MYO3B: variants seen among roughly 807,000 people sequenced by gnomAD.
MYO3B encodes the protein myosin IIIB, also known as myosin-IIIb.
A neutral mutation model predicts 174.6 loss-of-function variants in MYO3B; 156 were observed. The observed-to-expected ratio is 0.89, with a 90% CI of 0.78 to 1.02. The LOEUF (loss-of-function observed/expected upper bound fraction) is 1.02. Among genes scored for constraint, MYO3B ranks in the 50% least tolerant of loss-of-function variants. The pLI, the probability that MYO3B is intolerant of heterozygous loss-of-function variation, is 0.00. For missense variants in MYO3B, 1,632 were observed against 1,639.4 expected (o/e 1.00, Z 0.08); for synonymous variants, 563 against 569.1 (o/e 0.99, Z 0.15).
chr2:170,447,444 GCTAA>G (rs778475885), intron 23 of MYO3B, among the ~76,000 whole-genome samples: 13 of 152,174 alleles, frequency 8.5e-5, no homozygotes, highest in African/African-American at 1.2e-4. Flanking sequence ...AATAGGGAGC[GCTAA>G]CTAAGAACAG....
At chr2:170,302,879 G>A (rs1458343881) in intron 7 of MYO3B, among the ~76,000 whole-genome samples, 2 of 152,222 alleles carry the variant, frequency 1.3e-5, no homozygotes, top group Non-Finnish European at 2.9e-5. Flanking sequence ...CAGCTACAAA[G>A]AGAAGATGGT....
At chr2:170,542,786 G>A (rs1292724783) in intron 30 of MYO3B, 120 bp from the exon 31 acceptor site, 2 of 744,832 alleles carry the variant, frequency 2.7e-6, no homozygotes, top group East Asian at 2.8e-5. Flanking sequence ...ACTGAAATGG[G>A]AAACCATGGA....
At chr2:170,570,693 A>T (rs1296230717) in intron 32 of MYO3B, among the ~76,000 whole-genome samples, 1 of 152,230 alleles carries the variant, frequency 6.6e-6, no homozygotes, top group Admixed American at 6.5e-5. Flanking sequence ...TTATTTAGCA[A>T]ATGACCATTT....
At chr2:170,211,559 C>A (rs538966165) in intron 3 of MYO3B, among the ~76,000 whole-genome samples, 34 of 152,228 alleles carry the variant, frequency 2.2e-4, no homozygotes, top group Admixed American at 9.8e-4. Flanking sequence ...AAATTTAGAA[C>A]CTTTAGAGGT....
At chr2:170,503,117 C>G (rs1687388322) in intron 28 of MYO3B, among the ~76,000 whole-genome samples, 2 of 152,162 alleles carry the variant, frequency 1.3e-5, no homozygotes, top group South Asian at 4.1e-4. Context: ...AAACAGGGTA[C>G]CAAACTGATT....
chr2:170,241,382 G>T (rs540782076), intron 7 of MYO3B, among the ~76,000 whole-genome samples: 3 of 152,256 alleles, frequency 2.0e-5, no homozygotes, highest in South Asian at 4.1e-4. Flanking sequence ...AAAAGAAAAT[G>T]CTTTCCAAGT....
At chr2:170,222,808 T>G (rs530041957) in intron 6 of MYO3B, among the ~76,000 whole-genome samples, 1 of 152,352 alleles carries the variant, frequency 6.6e-6, no homozygotes, top group African/African-American at 2.4e-5. Context: ...TCCCAAATAC[T>G]AATATTTAGC....
chr2:170,364,452 A>G (rs1283537322), intron 8 of MYO3B, among the ~76,000 whole-genome samples: 1 of 152,076 alleles, frequency 6.6e-6, no homozygotes, highest in Non-Finnish European at 1.5e-5. Context: ...TGCTTCCCCT[A>G]ATTCACCTCA....
intron 22 of MYO3B, among the ~76,000 whole-genome samples, chr2:170,437,022 G>C (rs185894455): frequency 6.6e-6 from 1 of 152,250 alleles, no homozygotes; most frequent in Non-Finnish European, 1.5e-5. Flanking sequence ...CTTTTTGTAA[G>C]TTGTCTTGTT....
chr2:170,215,163 T>G (rs1225849229), intron 5 of MYO3B, among the ~76,000 whole-genome samples: 1 of 152,268 alleles, frequency 6.6e-6, no homozygotes, highest in Non-Finnish European at 1.5e-5. Flanking sequence ...TTTCTTCTTT[T>G]GCATATGAAA....
intron 14 of MYO3B, among the ~76,000 whole-genome samples, chr2:170,390,354 G>T (rs1001402371): frequency 6.6e-6 from 1 of 152,184 alleles, no homozygotes; most frequent in African/African-American, 2.4e-5. Flanking sequence ...CTTGAACCCA[G>T]AAATTTGAGG....
At chr2:170,583,871 G>C in intron 32 of MYO3B, among the ~76,000 whole-genome samples, 1 of 152,056 alleles carries the variant, frequency 6.6e-6, no homozygotes, top group South Asian at 2.1e-4. Flanking sequence ...TTTCCATCTT[G>C]AAGATGTGAT....
At chr2:170,226,000 G>A (rs1424814445) in intron 6 of MYO3B, among the ~76,000 whole-genome samples, 1 of 152,178 alleles carries the variant, frequency 6.6e-6, no homozygotes. Flanking sequence ...CTATTTTACA[G>A]GGAACATTTA....
intron 32 of MYO3B, among the ~76,000 whole-genome samples, chr2:170,621,335 T>C (rs145645996): frequency 6.6e-6 from 1 of 152,316 alleles, no homozygotes; most frequent in East Asian, 1.9e-4. Flanking sequence ...GAGTATCTGG[T>C]ACATAGTAAG....
In MYO3B at chr2:170,236,079, A is replaced by G; in HGVS notation, c.692A>G (p.Asp231Gly). 1 of 1,613,998 alleles carries G rather than the reference A, an allele frequency of 6.2e-7. No individual in the cohort carries two copies. The highest frequency in any genetic ancestry group is 8.5e-7 in the Non-Finnish European group (1 of 1,180,000). Residue 231 changes from aspartate (D) to glycine (G), a missense_variant, in exon 7 of 35, where the codon GAT becomes GGT. Transcript: ENST00000408978. ...GGGATCACAGCTATTGAACTGGGGG[A>G]TGGAGACCCTCCCCTCTTTGACATG... ...SLGITAIELGDGDPPLFDMHP... is the reference protein window; with the variant it reads ...SLGITAIELGGGDPPLFDMHP...
At chr2:170,372,463 G>C (rs918255458) in intron 9 of MYO3B, among the ~76,000 whole-genome samples, 1 of 152,108 alleles carries the variant, frequency 6.6e-6, no homozygotes, top group Non-Finnish European at 1.5e-5. Context: ...AAACACTACT[G>C]AGGTACTGAA....
chr2:170,201,794 C>A (rs1396705938), intron 3 of MYO3B, among the ~76,000 whole-genome samples: 1 of 132,304 alleles, frequency 7.6e-6, no homozygotes, highest in Admixed American at 9.4e-5. Context: ...AAGTACTGTT[C>A]CTGGGGTCTC....
rs61185936 is a variant in MYO3B, at chr2:170,485,420, CAGAGAG to C, written c.3015-13153_3015-13148del. ...ACACACACACACACACACACACACA[CAGAGAG>C]AGAGAGAGAGAGAGAGAGCGAGTGA... On this transcript the variant is annotated intron_variant, in intron 25 of 34. Coordinates refer to ENST00000408978, the MANE Select transcript of MYO3B (RefSeq NM_138995.5). Among the ~76,000 whole-genome samples, 196 of 127,910 alleles carry C rather than the reference CAGAGAG, an allele frequency of 1.5e-3. 1 individual carries two copies. The Middle Eastern group carries it at 0.023, about 15-fold the overall frequency. 83.9% of individuals were successfully genotyped at this position (127,910 alleles called of 152,430 possible).
At chr2:170,189,144 T>C (rs2092507790) in intron 1 of MYO3B, among the ~76,000 whole-genome samples, 2 of 152,180 alleles carry the variant, frequency 1.3e-5, no homozygotes, top group Non-Finnish European at 2.9e-5. Context: ...AAAGTTTTTT[T>C]CCTTCAGCAA....
Sources: gnomAD v4.1 joint callset for allele counts (sites outside exome capture counted in the v4.1 genomes callset) on GRCh38, gnomAD v4.1.1 for gene constraint, MANE v1.5 for transcripts, NCBI Gene and HGNC (gene_info 2026-07-23, HGNC 2026-07-21) for gene names.